Variants in STX4 observed in about 807,000 individuals in gnomAD.
The protein encoded by STX4 is syntaxin-4.
A neutral mutation model predicts 41.8 loss-of-function variants in STX4; 24 were observed. The ratio of observed to expected loss-of-function variants is 0.57; its 90% CI spans 0.42 to 0.81. The LOEUF (loss-of-function observed/expected upper bound fraction) is 0.81. Ranked by LOEUF, STX4 falls within the 30% of genes least tolerant of loss-of-function variation. The pLI, the probability that STX4 is intolerant of heterozygous loss-of-function variation, is 0.00. For synonymous variants in STX4, 158 were observed against 156.4 expected, an observed-to-expected ratio of 1.01 and a Z score of -0.08; for missense variants, 316 against 389.9, an observed-to-expected ratio of 0.81 and a Z score of 1.60.
rs987524350 is a variant in STX4, at chr16:31,033,609, G to C, written c.-197G>C. ...GAAGAAAAGGGAATTCCAACCTGTG[G>C]AACCTTGGGGGGTCCCCGGGGTCGG... On this transcript the variant is annotated 5_prime_UTR_variant, in exon 1 of 11. Transcript: ENST00000313843. The surrounding 1 kb of genome is among the most constrained non-coding windows in gnomAD (Gnocchi z 5.5). 4.8e-5 allele frequency: 72 copies of C among 1,497,332 alleles called. No homozygotes were observed. Among genetic ancestry groups the C allele is most frequent in the Non-Finnish European group, 6.0e-5 (67 of 1,122,478 alleles). 92.8% of individuals were successfully genotyped at this position (1,497,332 alleles called of 1,614,324 possible).
chr16:31,038,464 G>A lies in STX4; in HGVS notation c.565-46G>A, dbSNP rs146646010. On this transcript the variant is annotated intron_variant, in intron 7 of 10. Coordinates refer to ENST00000313843, the MANE Select transcript of STX4 (RefSeq NM_004604.5). ...GCTCAACAGGAGTTTCTGACCTGCT[G>A]TCGGTCTCCCTGTGAACAGTTGCCC... 4.7e-4 allele frequency: 752 copies of A among 1,606,528 alleles called. 16 individuals are homozygous for A. The East Asian group carries it at 0.017, about 36-fold the overall frequency.
upstream of STX4, chr16:31,033,419 T>A (rs777996810): frequency 7.0e-7 from 1 of 1,435,648 alleles, no homozygotes; most frequent in South Asian, 1.2e-5. This position sits in a 1 kb window ranked among gnomAD's most constrained non-coding sequence, Gnocchi z 5.5. Context: ...ACGGTTCCGG[T>A]GACGGTAGCA....
intron 5 of STX4, among the ~76,000 whole-genome samples, chr16:31,037,505 C>G (rs895731591): frequency 6.7e-6 from 1 of 149,960 alleles, no homozygotes; most frequent in Non-Finnish European, 1.5e-5. Flanking sequence ...ACTAAAAATA[C>G]AAAAATTAGC....
chr16:31,038,518 G>T lies in STX4; in HGVS notation c.573G>T (p.Lys191Asn). Residue 191 changes from lysine to asparagine, a missense_variant, in exon 8 of 11, where the codon AAG becomes AAT. By Grantham distance (94) the Lys-to-Asn change is moderately conservative (BLOSUM62 0). Transcript: ENST00000313843. ...QSEVFVSNIL[K>N]DTQVTRQALN... ...TCCTGTCCACCCCCCAGATCCTGAA[G>T]GACACGCAGGTGACTCGACAGGCCT... The T allele has an allele frequency of 6.2e-7, 1 of 1,614,112 alleles. No homozygotes were observed. Among genetic ancestry groups the T allele is most frequent in the Non-Finnish European group, 8.5e-7 (1 of 1,180,014 alleles).
upstream of STX4, chr16:31,033,438 C>T (rs779032296): frequency 6.6e-6 from 10 of 1,518,930 alleles, no homozygotes; most frequent in African/African-American, 2.8e-5. This position sits in a 1 kb window ranked among gnomAD's most constrained non-coding sequence, Gnocchi z 5.5. Context: ...CAAGTTCTCG[C>T]GTCCAGGCAT....
At chr16:31,037,847 A>G (rs2056813952) in intron 5 of STX4, 79 bp from the exon 6 acceptor site, 1 of 1,429,800 alleles carries the variant, frequency 7.0e-7, no homozygotes, top group South Asian at 1.2e-5. Flanking sequence ...CTATTTGCTC[A>G]CTGTACTATG....
Position 31,039,558 on chromosome 16 carries a change from G to A in STX4, c.720G>A (p.Arg240=). 2 of 1,614,072 alleles carry A rather than the reference G, an allele frequency of 1.2e-6. No homozygotes were observed. Among genetic ancestry groups the A allele is most frequent in the Non-Finnish European group, 1.7e-6 (2 of 1,180,034 alleles). Residue 240 remains arginine (R), a synonymous_variant, in exon 9 of 11, where the codon CGG becomes CGA. Coordinates refer to ENST00000313843, the MANE Select transcript of STX4 (RefSeq NM_004604.5). This position sits in a 1 kb window ranked among gnomAD's most constrained non-coding sequence, Gnocchi z 4.1. ...CTGAGCAGGGGGAGATGATCAATCG[G>A]ATTGAGAAGAACATCCTGAGCTCAG... The part of the protein sequence containing the change: ...EVEMQGEMIN[R]IEKNILSSAD...
chr16:31,035,020 A>G lies in STX4; in HGVS notation c.358A>G (p.Thr120Ala). The stretch of plus-strand genomic sequence containing the variant: ...TGATGAGAACTATAACTCCGTCAAC[A>G]CAAGAATGAGAAAAACCCAGGTGGG... Reference protein sequence around the residue: ...EADENYNSVNTRMRKTQHGVL... With the variant: ...EADENYNSVNARMRKTQHGVL... Residue 120 changes from threonine to alanine, a missense_variant, in exon 5 of 11, where the codon ACA becomes GCA. Transcript: ENST00000313843. 1.2e-6 allele frequency: 2 copies of G among 1,610,056 alleles called. No individual in the cohort carries two copies. Among genetic ancestry groups the G allele is most frequent in the Non-Finnish European group, 1.7e-6 (2 of 1,178,826 alleles).
chr16:31,037,064 C>CG (rs1491425907), intron 5 of STX4, among the ~76,000 whole-genome samples: 1 of 122,282 alleles, frequency 8.2e-6, no homozygotes, highest in Admixed American at 8.1e-5. Flanking sequence ...ACCCCCCCCC[C>CG]TTTTTTTTTT....
In STX4 at chr16:31,038,047, T is replaced by C. The variant is rs992532064; in HGVS notation, c.487+13T>C. ...CAGCTGAAGATCAGTGAGTTGTGCA[T>C]GCCCAGCCTGGCCCGCAGGGGCAGG... On this transcript the variant is annotated intron_variant, in intron 6 of 10. Coordinates refer to ENST00000313843, the MANE Select transcript of STX4 (RefSeq NM_004604.5). 14 of 1,614,090 alleles carry C rather than the reference T, an allele frequency of 8.7e-6. No individual in the cohort carries two copies. The highest frequency in any genetic ancestry group is 1.1e-5 in the Non-Finnish European group (13 of 1,180,022).
Position 31,038,535 on chromosome 16 carries a change from G to T in STX4, c.590G>T (p.Arg197Leu). The change falls in exon 8 of 11, where the codon CGA becomes CTA. Residue 197 changes from arginine to leucine, a missense_variant. By Grantham distance (102) the Arg-to-Leu change is moderately radical. Transcript: ENST00000313843. ...ATCCTGAAGGACACGCAGGTGACTC[G>T]ACAGGCCTTAAATGAGATCTCGGCC... is the stretch of plus-strand genomic sequence containing the variant. ...SNILKDTQVT[R>L]QALNEISARH... 1 of 1,614,022 alleles carries T rather than the reference G, an allele frequency of 6.2e-7. No homozygotes were observed. The highest frequency in any genetic ancestry group is 8.5e-7 in the Non-Finnish European group (1 of 1,180,002).
chr16:31,038,379 G>A, intron 7 of STX4, 131 bp from the exon 8 acceptor site: 2 of 1,408,734 alleles, frequency 1.4e-6, no homozygotes, highest in Non-Finnish European at 2.0e-6. Flanking sequence ...AGGCCTCTAA[G>A]GGAATTAATT....
In STX4 at chr16:31,034,788, G is replaced by A. The variant is rs530877876; in HGVS notation, c.308-182G>A. ...CTGCCCACTGGGCATTCTTTGGGCA[G>A]GGAGATGGAGTTTTGTTAGGTGGCC... On this transcript the variant is annotated intron_variant, in intron 4 of 10. Coordinates refer to ENST00000313843, the MANE Select transcript of STX4 (RefSeq NM_004604.5). 1.4e-5 allele frequency: 10 copies of A among 689,770 alleles called. No homozygotes were observed. In the Admixed American group the frequency reaches 3.3e-4, roughly 23 times the overall value. 42.7% of individuals were successfully genotyped at this position (689,770 alleles called of 1,614,324 possible).
intron 5 of STX4, 62 bp downstream of exon 5, chr16:31,035,102 C>T: frequency 1.4e-6 from 2 of 1,419,918 alleles, no homozygotes; most frequent in Non-Finnish European, 2.0e-6. Context: ...TATTAGATGA[C>T]AGGTGTATGA....
In STX4 at chr16:31,038,507, C is replaced by T. The variant is rs751408000; in HGVS notation, c.565-3C>T. ...AGTTGCCCCACTCCTGTCCACCCCC[C>T]AGATCCTGAAGGACACGCAGGTGAC... On this transcript the variant is annotated splice_polypyrimidine_tract_variant and splice_region_variant and intron_variant, in intron 7 of 10. Coordinates refer to ENST00000313843, the MANE Select transcript of STX4 (RefSeq NM_004604.5). The T allele has an allele frequency of 1.9e-6, 3 of 1,614,146 alleles. No individual in the cohort carries two copies. Among genetic ancestry groups the T allele is most frequent in the African/African-American group, 1.3e-5 (1 of 75,044 alleles).
chr16:31,039,665 GC>G lies in STX4; in HGVS notation c.813+17del. ...AAGGCGAGGAAGGTGAGCCTCCCAG[GC>G]CCGGCCACTGCCCCAGGCACCCTGT... On this transcript the variant is annotated intron_variant, in intron 9 of 10. Coordinates refer to ENST00000313843, the MANE Select transcript of STX4 (RefSeq NM_004604.5). The surrounding 1 kb of genome is among the most constrained non-coding windows in gnomAD (Gnocchi z 4.1). 1 of 1,614,128 alleles carries G rather than the reference GC, an allele frequency of 6.2e-7. No individual in the cohort carries two copies. Among genetic ancestry groups the G allele is most frequent in the South Asian group, 1.1e-5 (1 of 91,088 alleles).
intron 4 of STX4, chr16:31,034,746 T>A: frequency 1.4e-6 from 1 of 693,402 alleles, no homozygotes; most frequent in Non-Finnish European, 2.3e-6. Flanking sequence ...TGAAACCATT[T>A]ACTTACACAG....
chr16:31,033,854 G>A lies in STX4; in HGVS notation c.30+19G>A, dbSNP rs539325544. The A allele has an allele frequency of 9.6e-6, 14 of 1,453,326 alleles. No individual in the cohort carries two copies. The African/African-American group carries it at 1.4e-4, about 15-fold the overall frequency. 90.0% of individuals were successfully genotyped at this position (1,453,326 alleles called of 1,614,324 possible). A position where few individuals can be genotyped will look rare whatever the true frequency, so the allele number is the denominator to read the frequency against. Reference sequence around the variant, plus strand: ...GAGACAGGTGAGACGCCAGGGCAGCGGGGATGGGGACGGGCGGACGAACTG... The same window carrying A: ...GAGACAGGTGAGACGCCAGGGCAGCAGGGATGGGGACGGGCGGACGAACTG... On this transcript the variant is annotated intron_variant, in intron 1 of 10. Transcript: ENST00000313843. This position sits in a 1 kb window ranked among gnomAD's most constrained non-coding sequence, Gnocchi z 5.5.
chr16:31,033,760 G>C lies in STX4; in HGVS notation c.-46G>C. The C allele has an allele frequency of 6.9e-7, 1 of 1,451,110 alleles. No individual in the cohort carries two copies. Among genetic ancestry groups the C allele is most frequent in the Non-Finnish European group, 9.1e-7 (1 of 1,100,062 alleles). The allele number at this position is 1,451,110 out of a possible 1,614,324, so 89.9% of individuals were successfully genotyped here. On this transcript the variant is annotated 5_prime_UTR_variant, in exon 1 of 11. Transcript: ENST00000313843. The surrounding 1 kb of genome is among the most constrained non-coding windows in gnomAD (Gnocchi z 5.5). ...AGCGGGGTACGGGAATTCCAAATTTGAGGGCCTCCCGGCTCTGGCGCCGGG... is the reference window on the plus strand; with the variant it reads ...AGCGGGGTACGGGAATTCCAAATTTCAGGGCCTCCCGGCTCTGGCGCCGGG...
Sources: allele counts gnomAD v4.1 joint callset (sites outside exome capture counted in the v4.1 genomes callset), GRCh38; gene constraint gnomAD v4.1.1; non-coding constraint Gnocchi (gnomAD v3.1); transcripts MANE v1.5; gene names NCBI Gene and HGNC (gene_info 2026-07-23, HGNC 2026-07-21).